LPP: variants seen among roughly 807,000 people sequenced by gnomAD.
The protein encoded by LPP is LIM domain containing preferred translocation partner in lipoma.
LPP carries 38 observed loss-of-function variants against 60.4 expected under a neutral mutation model. That is an observed-to-expected ratio of 0.63 (90% CI 0.49 to 0.83). LPP has a LOEUF of 0.83. Ranked by LOEUF, LPP falls within the 40% of genes least tolerant of loss-of-function variation. The pLI, the probability that LPP is intolerant of heterozygous loss-of-function variation, is 0.00. For synonymous variants in LPP, 328 were observed against 290.8 expected (o/e 1.13, Z -1.30); for missense variants, 902 against 783.6 (o/e 1.15, Z -1.80).
At chr3:188,450,744 C>CA (rs10708050) in intron 4 of LPP, among the ~76,000 whole-genome samples, 46 of 140,630 alleles carry the variant, frequency 3.3e-4, no homozygotes, top group East Asian at 2.1e-4. Context: ...GACTCTGTCT[C>CA]AAAAAAAAAA....
At chr3:188,849,929 A>G (rs751715406) in intron 9 of LPP, among the ~76,000 whole-genome samples, 2 of 152,194 alleles carry the variant, frequency 1.3e-5, no homozygotes, top group Non-Finnish European at 2.9e-5. Flanking sequence ...CCTTGACAAA[A>G]TGATTTTCTG....
In LPP at chr3:188,497,720, C is replaced by T. The variant is rs140554355; in HGVS notation, c.306+13016C>T. On this transcript the variant is annotated intron_variant, in intron 5 of 11. Transcript: ENST00000617246. ...GCAACCAGAAGAGTTTTTCACTGTG[C>T]ATGTTCAGAAGACTTCATCATTTTT... Among the ~76,000 whole-genome samples the T allele has an allele frequency of 4.3e-3, 662 of 152,226 alleles. 3 individuals are homozygous for T. The highest frequency in any genetic ancestry group is 0.019 in the South Asian group (90 of 4,834).
upstream of LPP, chr3:188,154,021 G>T: frequency 6.5e-6 from 1 of 154,892 alleles, no homozygotes; most frequent in Non-Finnish European, 1.4e-5. Flanking sequence ...GGCGCTGCAA[G>T]GTAAGGGCTG....
At chr3:188,231,978 G>A (rs932903202) in intron 2 of LPP, among the ~76,000 whole-genome samples, 1 of 152,146 alleles carries the variant, frequency 6.6e-6, no homozygotes, top group Non-Finnish European at 1.5e-5. Flanking sequence ...GGAACAGAGA[G>A]CTGATATACA....
intron 1 of LPP, among the ~76,000 whole-genome samples, chr3:188,214,018 A>G (rs979961218): frequency 7.5e-5 from 11 of 146,714 alleles, no homozygotes; most frequent in African/African-American, 2.5e-4. Context: ...AGCCTACCAA[A>G]GCAGGATAGA....
intron 7 of LPP, among the ~76,000 whole-genome samples, chr3:188,673,114 G>T (rs1576961049): frequency 6.6e-6 from 1 of 152,080 alleles, no homozygotes; most frequent in Non-Finnish European, 1.5e-5. Context: ...CTGGTTATAT[G>T]CTTTGAAGGA....
intron 2 of LPP, among the ~76,000 whole-genome samples, chr3:188,323,463 A>G (rs1757512068): frequency 6.6e-6 from 1 of 152,216 alleles, no homozygotes; most frequent in African/African-American, 2.4e-5. Flanking sequence ...ATTACTGTGT[A>G]GACAGCCACT....
intron 3 of LPP, among the ~76,000 whole-genome samples, chr3:188,375,628 C>T (rs984053131): frequency 4.6e-5 from 7 of 152,028 alleles, no homozygotes; most frequent in East Asian, 3.9e-4. Flanking sequence ...AGTGGTCTAT[C>T]GGTTTTGTTT....
At chr3:188,294,871 C>T (rs529349124) in intron 2 of LPP, among the ~76,000 whole-genome samples, 46 of 152,316 alleles carry the variant, frequency 3.0e-4, no homozygotes, top group African/African-American at 1.0e-3. Flanking sequence ...AACAAGCTCC[C>T]GCTTAGGAGG....
chr3:188,197,599 G>A (rs1307783700), intron 1 of LPP, among the ~76,000 whole-genome samples: 1 of 152,140 alleles, frequency 6.6e-6, no homozygotes, highest in Non-Finnish European at 1.5e-5. Context: ...AACACAATGA[G>A]TCATCTCAGG....
chr3:188,875,399 A>G lies in LPP; in HGVS notation c.*920A>G, dbSNP rs1769133665. On this transcript the variant is annotated 3_prime_UTR_variant, in exon 12 of 12. Transcript: ENST00000617246. Reference sequence around the variant, plus strand: ...AAAATATTGTCATGTTTATTCTAATATCCAACACAACTATCAAAATTGCCT... The same window carrying G: ...AAAATATTGTCATGTTTATTCTAATGTCCAACACAACTATCAAAATTGCCT... 1 of 217,346 alleles carries G rather than the reference A, an allele frequency of 4.6e-6. No individual in the cohort carries two copies. Among genetic ancestry groups the G allele is most frequent in the Non-Finnish European group, 9.2e-6 (1 of 108,146 alleles). 13.5% of individuals were successfully genotyped at this position (217,346 alleles called of 1,614,324 possible).
chr3:188,514,528 C>T (rs1260009339), intron 5 of LPP, among the ~76,000 whole-genome samples: 2 of 151,964 alleles, frequency 1.3e-5, no homozygotes, highest in Non-Finnish European at 2.9e-5. Flanking sequence ...CCTCTACCTC[C>T]CGGGTGGGTT....
chr3:188,754,567 T>C (rs1404462892), intron 8 of LPP, among the ~76,000 whole-genome samples: 1 of 152,084 alleles, frequency 6.6e-6, no homozygotes, highest in Non-Finnish European at 1.5e-5. Flanking sequence ...CAACATAGAA[T>C]CACCTGGAGA....
intron 1 of LPP, among the ~76,000 whole-genome samples, chr3:188,223,893 G>A (rs1348842365): frequency 3.3e-5 from 5 of 152,132 alleles, no homozygotes; most frequent in Non-Finnish European, 7.3e-5. Flanking sequence ...TCTCCTTTCA[G>A]TGGAAATGGC....
intron 2 of LPP, among the ~76,000 whole-genome samples, chr3:188,274,298 C>T (rs939450566): frequency 2.0e-5 from 3 of 152,180 alleles, no homozygotes; most frequent in Non-Finnish European, 4.4e-5. Context: ...TGTTTCTGCA[C>T]ATGATATTTA....
chr3:188,787,110 T>C (rs1371335029), intron 9 of LPP, among the ~76,000 whole-genome samples: 3 of 152,176 alleles, frequency 2.0e-5, no homozygotes, highest in Non-Finnish European at 4.4e-5. Flanking sequence ...AACTTACACA[T>C]ATATACAGAC....
chr3:188,501,702 T>C lies in LPP; in HGVS notation c.306+16998T>C, dbSNP rs1811939667. On this transcript the variant is annotated intron_variant, in intron 5 of 11. Transcript: ENST00000617246. ...AGGCGGAGGTTGCAGTGAGCCGAGA[T>C]CACTCCAGCCTGGGTGACAGAGGAA... Among the ~76,000 whole-genome samples the C allele has an allele frequency of 2.7e-5, 4 of 149,326 alleles. No homozygotes were observed. In the South Asian group the frequency reaches 8.5e-4, roughly 32 times the overall value.
At chr3:188,788,692 C>G (rs1213450523) in intron 9 of LPP, among the ~76,000 whole-genome samples, 1 of 152,124 alleles carries the variant, frequency 6.6e-6, no homozygotes, top group Non-Finnish European at 1.5e-5. Context: ...ACATCACTGA[C>G]TACAGAACCC....
At chr3:188,200,090 T>C (rs1480274887) in intron 1 of LPP, among the ~76,000 whole-genome samples, 1 of 152,148 alleles carries the variant, frequency 6.6e-6, no homozygotes, top group Non-Finnish European at 1.5e-5. Context: ...GACATAGGTC[T>C]CAGCCAAATA....
Sources: gnomAD v4.1 joint callset for allele counts (sites outside exome capture counted in the v4.1 genomes callset) on GRCh38, gnomAD v4.1.1 for gene constraint, MANE v1.5 for transcripts, NCBI Gene and HGNC (gene_info 2026-07-23, HGNC 2026-07-21) for gene names.